CBLC: variants seen among roughly 807,000 people sequenced by gnomAD.
CBLC encodes Cbl proto-oncogene C.
A neutral mutation model predicts 58.6 loss-of-function variants in CBLC; 46 were observed. The observed-to-expected ratio is 0.79, with a 90% CI of 0.62 to 1.00. The LOEUF is 1.00. Among genes scored for constraint, CBLC ranks in the 50% least tolerant of loss-of-function variants. CBLC has a pLI of 0.00. For synonymous variants in CBLC, 271 were observed against 264.2 expected (o/e 1.03, Z -0.25); for missense variants, 655 against 625.8 (o/e 1.05, Z -0.50).
At chr19:44,787,122 A>G (rs1461196165) in intron 5 of CBLC, among the ~76,000 whole-genome samples, 3 of 151,608 alleles carry the variant, frequency 2.0e-5, no homozygotes, top group African/African-American at 7.3e-5. Context: ...AGCTGGGCGC[A>G]GTGGCTCACG....
intron 9 of CBLC, among the ~76,000 whole-genome samples, chr19:44,795,393 C>T (rs144133012): frequency 1.4e-4 from 21 of 151,950 alleles, no homozygotes; most frequent in African/African-American, 4.1e-4. Context: ...GGCGCACACC[C>T]GTAGTCCCAG....
chr19:44,783,258 G>A (rs1268145985), intron 4 of CBLC, among the ~76,000 whole-genome samples: 1 of 152,108 alleles, frequency 6.6e-6, no homozygotes, highest in Non-Finnish European at 1.5e-5. Flanking sequence ...TGTAATTCCA[G>A]CATTTTGGGA....
At chr19:44,784,022 C>T (rs182580806) in intron 4 of CBLC, among the ~76,000 whole-genome samples, 52 of 152,202 alleles carry the variant, frequency 3.4e-4, no homozygotes, top group Admixed American at 2.9e-3. Flanking sequence ...TCCAGTGAAG[C>T]GAGGAGAGAT....
At chr19:44,789,720 G>A (rs1967997064) in intron 5 of CBLC, among the ~76,000 whole-genome samples, 1 of 152,098 alleles carries the variant, frequency 6.6e-6, no homozygotes, top group African/African-American at 2.4e-5. Flanking sequence ...TCGTTTTCTG[G>A]TTCTTAGTCT....
At chr19:44,780,881 C>T in intron 1 of CBLC, 24 bp from the exon 2 acceptor site, 1 of 1,606,910 alleles carries the variant, frequency 6.2e-7, no homozygotes, top group South Asian at 1.1e-5. Flanking sequence ...CAAGGATAGC[C>T]AGAGTCCTTG....
intron 9 of CBLC, among the ~76,000 whole-genome samples, chr19:44,799,041 G>T (rs1008352251): frequency 6.6e-6 from 1 of 152,164 alleles, no homozygotes; most frequent in Non-Finnish European, 1.5e-5. Flanking sequence ...CACTTTGAAG[G>T]ACATGGAACT....
intron 3 of CBLC, 74 bp from the exon 4 acceptor site, chr19:44,782,296 G>A: frequency 5.0e-6 from 8 of 1,587,784 alleles, no homozygotes; most frequent in South Asian, 1.1e-5. Flanking sequence ...TTGGATCCTC[G>A]AGCCCTAGGG....
chr19:44,791,746 A>G (rs1036919717), intron 6 of CBLC, among the ~76,000 whole-genome samples: 17 of 152,012 alleles, frequency 1.1e-4, no homozygotes, highest in African/African-American at 4.1e-4. Flanking sequence ...AAAAAAAAAA[A>G]AAAATGAGTG....
At chr19:44,780,469 ATTTT>A (rs1196086433) in intron 1 of CBLC, among the ~76,000 whole-genome samples, 2 of 112,428 alleles carry the variant, frequency 1.8e-5, no homozygotes, top group South Asian at 5.8e-4. Flanking sequence ...ATCGTTTTTA[ATTTT>A]TTTTTTTTTT....
At chr19:44,784,526 A>G (rs1967836570) in intron 5 of CBLC, 125 bp downstream of exon 5, 1 of 921,414 alleles carries the variant, frequency 1.1e-6, no homozygotes, top group Non-Finnish European at 1.6e-6. Flanking sequence ...GACATCTCAA[A>G]TCTGCAGTAC....
chr19:44,787,456 T>C (rs190468980), intron 5 of CBLC, among the ~76,000 whole-genome samples: 6 of 151,940 alleles, frequency 3.9e-5, no homozygotes, highest in African/African-American at 1.4e-4. Flanking sequence ...TGGGTGTTTA[T>C]GCACAGAGGA....
intron 7 of CBLC, 144 bp downstream of exon 7, chr19:44,792,658 C>A: frequency 2.6e-6 from 2 of 761,158 alleles, no homozygotes; most frequent in Non-Finnish European, 3.9e-6. Context: ...CACTCAGGAG[C>A]CCGGCTGTCT....
rs767098851 is a variant in CBLC at position 44,781,046 on chromosome 19, A to G, written c.495A>G (p.Gly165=). The change falls in exon 2 of 11, where the codon GGA becomes GGG. Residue 165 remains glycine, a synonymous_variant. Coordinates refer to ENST00000647358, the MANE Select transcript of CBLC (RefSeq NM_012116.4). ...ACACCTTCTGGAGGGAAAGTTGCGG[A>G]GCCCGGTGAGTAAGCCCTTGTCCTC... The part of the protein sequence containing the change: ...PAHTFWRESC[G]ARCVLPWAEF... 7.1e-5 allele frequency: 115 copies of G among 1,611,832 alleles called. 1 individual carries two copies. In the South Asian group the frequency reaches 1.1e-3, roughly 16 times the overall value.
chr19:44,792,526 C>A lies in CBLC; in HGVS notation c.1137+12C>A, dbSNP rs188263434. 1.0e-4 allele frequency: 160 copies of A among 1,572,872 alleles called. No individual in the cohort carries two copies. The highest frequency in any genetic ancestry group is 1.3e-4 in the Non-Finnish European group (148 of 1,163,330). On this transcript the variant is annotated intron_variant, in intron 7 of 10. Transcript: ENST00000647358. Reference sequence around the variant, plus strand: ...TGGCTGCCTGGCAGGTGGGTCTGACCCCTGTGGCGCCTTCCCCTCTGGTCT... The same window carrying A: ...TGGCTGCCTGGCAGGTGGGTCTGACACCTGTGGCGCCTTCCCCTCTGGTCT...
chr19:44,794,457 CTTTTTTTTTTTTT>C (rs200824891), intron 9 of CBLC, among the ~76,000 whole-genome samples, 176 bp downstream of exon 9: 6 of 78,346 alleles, frequency 7.7e-5, no homozygotes, highest in Non-Finnish European at 1.4e-4. Flanking sequence ...CTGGGACTTT[CTTTTTTTTTTTTT>C]TTTTTTTTTT....
At chr19:44,800,137 G>C (rs1448207210) in intron 9 of CBLC, among the ~76,000 whole-genome samples, 1 of 152,204 alleles carries the variant, frequency 6.6e-6, no homozygotes, top group African/African-American at 2.4e-5. Context: ...GTCCACCCAG[G>C]CTGCAGCCTA....
rs765766542 is a variant in CBLC, at chr19:44,778,098, G to C, written c.167G>C (p.Arg56Pro). ...DLLPRTAQLL[R>P]EVAHSRRAAG... ...CTGCCCCGCACAGCGCAGCTGCTTC[G>C]AGAGGTGGCCCATTCTCGGCGGGCG... is the stretch of plus-strand genomic sequence containing the variant. Residue 56 changes from arginine to proline, a missense_variant, in exon 1 of 11, where the codon CGA (arginine) becomes CCA (proline). Physicochemically the swap from Arg to Pro is moderately radical, Grantham distance 103. This residue lies in a region of CBLC where 280 missense variants were observed against 237.2 expected (regional missense o/e 1.18). Coordinates refer to ENST00000647358, the MANE Select transcript of CBLC (RefSeq NM_012116.4). 10 of 1,605,894 alleles carry C rather than the reference G, an allele frequency of 6.2e-6. No homozygotes were observed. Among genetic ancestry groups the C allele is most frequent in the Admixed American group, 5.0e-5 (3 of 59,610 alleles).
intron 1 of CBLC, among the ~76,000 whole-genome samples, chr19:44,779,553 C>CTTTTTT (rs774514447): frequency 7.3e-6 from 1 of 137,320 alleles, no homozygotes; most frequent in African/African-American, 2.8e-5. Flanking sequence ...TGTAGTGTCT[C>CTTTTTT]TTTTTTTTTT....
At chr19:44,780,335 C>T (rs987538182) in intron 1 of CBLC, among the ~76,000 whole-genome samples, 8 of 151,544 alleles carry the variant, frequency 5.3e-5, no homozygotes, top group African/African-American at 1.9e-4. Flanking sequence ...AGGGTTTCAC[C>T]ATGTTGGCCA....
Sources: gnomAD v4.1 joint callset for allele counts (sites outside exome capture counted in the v4.1 genomes callset) on GRCh38, gnomAD v4.1.1 for gene constraint, gnomAD v4.1.1 regional missense constraint, MANE v1.5 for transcripts, NCBI Gene and HGNC (gene_info 2026-07-23, HGNC 2026-07-21) for gene names.